Variants in PCDH15 observed in about 807,000 individuals in gnomAD.
PCDH15 encodes the protein protocadherin related 15.
PCDH15 carries 129 observed loss-of-function variants against 178.5 expected under a neutral mutation model. That is an observed-to-expected ratio of 0.72 (90% CI 0.63 to 0.84). The LOEUF is 0.84. Among genes scored for constraint, PCDH15 ranks in the 40% least tolerant of loss-of-function variants. The probability of loss-of-function intolerance (pLI) is 0.00; values close to 1 mark genes in which losing one functional copy is unlikely to be tolerated. For missense variants in PCDH15, 2,230 were observed against 2,099.9 expected, an observed-to-expected ratio of 1.06 and a Z score of -1.21; for synonymous variants, 800 against 732.0, an observed-to-expected ratio of 1.09 and a Z score of -1.50.
chr10:55,608,953 G>C (rs553392552), intron 2 of PCDH15, among the ~76,000 whole-genome samples: 1 of 151,542 alleles, frequency 6.6e-6, no homozygotes, highest in Non-Finnish European at 1.5e-5. Flanking sequence ...GGCCAGAAGG[G>C]TTAATTTCTG....
chr10:55,000,657 A>G (rs1376716033), intron 2 of PCDH15, among the ~76,000 whole-genome samples: 2 of 152,200 alleles, frequency 1.3e-5, no homozygotes, highest in African/African-American at 4.8e-5. Flanking sequence ...AATCTTCACA[A>G]TTTATGTTCA....
intron 2 of PCDH15, among the ~76,000 whole-genome samples, chr10:54,639,002 T>C (rs2093928584): frequency 6.6e-6 from 1 of 152,104 alleles, no homozygotes; most frequent in Admixed American, 6.6e-5. Context: ...TACACAATGA[T>C]ATACAGAGTG....
intron 7 of PCDH15, among the ~76,000 whole-genome samples, chr10:54,325,722 C>A (rs533519993): frequency 6.6e-6 from 1 of 151,916 alleles, no homozygotes; most frequent in African/African-American, 2.4e-5. Context: ...GCACTCTAGC[C>A]TGGGCAACAT....
chr10:54,187,514 A>C (rs1245478218), intron 11 of PCDH15, among the ~76,000 whole-genome samples: 4 of 152,042 alleles, frequency 2.6e-5, no homozygotes, highest in African/African-American at 9.6e-5. Flanking sequence ...GATAATGCAC[A>C]CATCAATACT....
At chr10:54,553,358 T>C (rs748660501) in intron 2 of PCDH15, among the ~76,000 whole-genome samples, 2 of 150,830 alleles carry the variant, frequency 1.3e-5, no homozygotes, top group Non-Finnish European at 2.9e-5. Context: ...GGTATTGATA[T>C]TGTGTCTCAA....
chr10:53,968,161 C>T (rs7911482), intron 21 of PCDH15, among the ~76,000 whole-genome samples: 107,202 of 151,870 alleles, frequency 0.71, 38,222 homozygotes, highest in East Asian at 0.87. Context: ...TCTAATACTG[C>T]GCTTTTCCAA....
At chr10:55,485,869 C>T (rs866936921) in intron 2 of PCDH15, among the ~76,000 whole-genome samples, 21 of 151,736 alleles carry the variant, frequency 1.4e-4, no homozygotes, top group Middle Eastern at 3.4e-3. Flanking sequence ...ACTTGCTTTC[C>T]TTTTGGGGTC....
chr10:54,375,351 A>C (rs952839140), intron 4 of PCDH15, among the ~76,000 whole-genome samples: 3 of 152,170 alleles, frequency 2.0e-5, no homozygotes, highest in Non-Finnish European at 4.4e-5. Context: ...TGCTCTGCAG[A>C]GAGAAAAATA....
At chr10:54,472,287 CAAA>C (rs201074584) in intron 3 of PCDH15, among the ~76,000 whole-genome samples, 1 of 120,324 alleles carries the variant, frequency 8.3e-6, no homozygotes. Context: ...AAATGTTATG[CAAA>C]AAAAAAAAAA....
intron 1 of PCDH15, among the ~76,000 whole-genome samples, chr10:55,225,944 G>A (rs1394480225): frequency 1.3e-5 from 2 of 152,042 alleles, no homozygotes; most frequent in African/African-American, 4.8e-5. Flanking sequence ...TTGATTGAAA[G>A]CACATCCATA....
At chr10:54,664,810 CT>C (rs2094545047) in intron 1 of PCDH15, among the ~76,000 whole-genome samples, 1 of 150,748 alleles carries the variant, frequency 6.6e-6, no homozygotes, top group Non-Finnish European at 1.5e-5. Context: ...CCAGGAAAGA[CT>C]AAGGAAAATC....
intron 3 of PCDH15, among the ~76,000 whole-genome samples, chr10:54,464,843 G>A (rs1001810571): frequency 6.6e-6 from 1 of 152,074 alleles, no homozygotes; most frequent in African/African-American, 2.4e-5. Context: ...ATCACTGCAG[G>A]AGACAGAGAA....
At chr10:53,853,069 T>C (rs1255611997) in intron 28 of PCDH15, among the ~76,000 whole-genome samples, 3 of 151,966 alleles carry the variant, frequency 2.0e-5, no homozygotes, top group Non-Finnish European at 2.9e-5. Context: ...CATCTACTAA[T>C]GTAGGTTTCA....
At chr10:55,067,885 T>A (rs989385465) in intron 2 of PCDH15, among the ~76,000 whole-genome samples, 1 of 152,136 alleles carries the variant, frequency 6.6e-6, no homozygotes, top group Admixed American at 6.6e-5. Context: ...CATTTGTATG[T>A]CTTTTTTTGA....
At chr10:55,533,146 G>A (rs1375753292) in intron 2 of PCDH15, among the ~76,000 whole-genome samples, 1 of 152,000 alleles carries the variant, frequency 6.6e-6, no homozygotes, top group Non-Finnish European at 1.5e-5. Flanking sequence ...AAAGCTGAAA[G>A]CACTCGCCTT....
intron 10 of PCDH15, among the ~76,000 whole-genome samples, chr10:54,210,816 A>G (rs1452984168): frequency 6.6e-6 from 1 of 151,760 alleles, no homozygotes; most frequent in African/African-American, 2.4e-5. Context: ...GCTAGATAGA[A>G]TAAGTAGGTC....
At chr10:54,055,654 A>AC (rs1325611603) in intron 18 of PCDH15, among the ~76,000 whole-genome samples, 1 of 151,848 alleles carries the variant, frequency 6.6e-6, no homozygotes, top group Non-Finnish European at 1.5e-5. Context: ...AAGCCTTCCT[A>AC]CCTCCACTTC....
intron 2 of PCDH15, among the ~76,000 whole-genome samples, chr10:55,142,813 C>A (rs1033825251): frequency 1.3e-5 from 2 of 151,478 alleles, no homozygotes; most frequent in African/African-American, 4.8e-5. Flanking sequence ...CATGCAAAGT[C>A]TTTTGTGACT....
chr10:55,097,833 G>C (rs1056524116), intron 2 of PCDH15, among the ~76,000 whole-genome samples: 1 of 152,068 alleles, frequency 6.6e-6, no homozygotes, highest in East Asian at 1.9e-4. Flanking sequence ...AGTTGAGAGG[G>C]AAACACTCTG....
Sources: gnomAD v4.1 joint callset for allele counts (sites outside exome capture counted in the v4.1 genomes callset) on GRCh38, gnomAD v4.1.1 for gene constraint, MANE v1.5 for transcripts, NCBI Gene and HGNC (gene_info 2026-07-23, HGNC 2026-07-21) for gene names.